The following TMEM108 variants were observed in gnomAD, a reference collection of about 807,000 sequenced individuals.
The protein encoded by TMEM108 is cancer/testis antigen 124.
TMEM108 carries 12 observed loss-of-function variants against 35.1 expected under a neutral mutation model. The observed-to-expected ratio is 0.34, with a 90% confidence interval of 0.22 to 0.55. The LOEUF is 0.55. Ranked by LOEUF, TMEM108 falls within the 20% of genes least tolerant of loss-of-function variation. TMEM108 has a pLI of 0.89. For missense variants in TMEM108, 680 were observed against 753.3 expected (o/e 0.90, Z 1.14); for synonymous variants, 287 against 308.6 (o/e 0.93, Z 0.73).
rs373948723 is a variant in TMEM108 at position 133,348,045 on chromosome 3, G to A, written c.41-31707G>A. Among the ~76,000 whole-genome samples, 89 of 151,902 alleles carry A rather than the reference G, an allele frequency of 5.9e-4. 1 individual carries two copies. The highest frequency in any genetic ancestry group is 2.4e-3 in the Admixed American group (36 of 15,264). The stretch of plus-strand genomic sequence containing the variant: ...AATTCTTAATTAACCTATGGAAAAT[G>A]AGTCCAAAGTTTATCTAAAAGTATA... On this transcript the variant is annotated intron_variant, in intron 3 of 5. Transcript: ENST00000321871.
intron 3 of TMEM108, among the ~76,000 whole-genome samples, chr3:133,340,300 T>A (rs1316227203): frequency 6.6e-6 from 1 of 151,736 alleles, no homozygotes; most frequent in Non-Finnish European, 1.5e-5. Context: ...GTGGCTATCG[T>A]GAGCAACTAT....
chr3:133,042,881 T>C (rs1943291655), intron 1 of TMEM108, among the ~76,000 whole-genome samples: 1 of 152,216 alleles, frequency 6.6e-6, no homozygotes, highest in Non-Finnish European at 1.5e-5. Flanking sequence ...CAGAATATGC[T>C]GTGTCTACAG....
chr3:133,245,562 T>G (rs552577762), intron 3 of TMEM108, among the ~76,000 whole-genome samples: 1 of 152,364 alleles, frequency 6.6e-6, no homozygotes, highest in African/African-American at 2.4e-5. Context: ...TACAATTTTT[T>G]TTGTTGTTCT....
intron 3 of TMEM108, among the ~76,000 whole-genome samples, chr3:133,266,544 G>A (rs190402426): frequency 1.0e-3 from 154 of 152,270 alleles, no homozygotes; most frequent in African/African-American, 3.7e-3. Context: ...GTTGTAAGTT[G>A]TTTTGCTTGA....
At chr3:133,094,240 C>CCCCCCACCCCCCA (rs773837996) in intron 2 of TMEM108, among the ~76,000 whole-genome samples, 5 of 110,962 alleles carry the variant, frequency 4.5e-5, no homozygotes, top group Admixed American at 9.4e-5. Flanking sequence ...CCCACCCCCC[C>CCCCCCACCCCCCA]CACACACACG....
At chr3:133,289,676 C>T (rs1029675522) in intron 3 of TMEM108, among the ~76,000 whole-genome samples, 3 of 152,110 alleles carry the variant, frequency 2.0e-5, no homozygotes, top group Admixed American at 6.6e-5. Context: ...TATACATATC[C>T]CATTAGGAAG....
intron 1 of TMEM108, chr3:133,041,755 A>G (rs1167449740): frequency 2.0e-5 from 3 of 152,234 alleles, no homozygotes; most frequent in South Asian, 2.1e-4. Context: ...CAACTTTCCA[A>G]CAACTTAATC....
At chr3:133,067,004 T>A (rs1483964687) in intron 2 of TMEM108, among the ~76,000 whole-genome samples, 7 of 152,232 alleles carry the variant, frequency 4.6e-5, no homozygotes, top group Non-Finnish European at 1.0e-4. Flanking sequence ...TCATTCATTT[T>A]CACTTGGGTA....
At chr3:133,209,661 G>A (rs577739517) in intron 2 of TMEM108, among the ~76,000 whole-genome samples, 6 of 152,258 alleles carry the variant, frequency 3.9e-5, no homozygotes, top group African/African-American at 1.4e-4. Flanking sequence ...CAGCGGGGAA[G>A]GAGGTTCCTT....
At chr3:133,233,469 T>C (rs1035351587) in intron 3 of TMEM108, among the ~76,000 whole-genome samples, 2 of 152,216 alleles carry the variant, frequency 1.3e-5, no homozygotes, top group African/African-American at 2.4e-5. Context: ...TTCCAAGTCT[T>C]TGCTGTTGTG....
intron 2 of TMEM108, among the ~76,000 whole-genome samples, chr3:133,100,250 G>T (rs999336857): frequency 7.2e-5 from 11 of 152,154 alleles, no homozygotes; most frequent in Non-Finnish European, 1.6e-4. Flanking sequence ...ATGATTCATG[G>T]GTTCCACCCA....
intron 3 of TMEM108, among the ~76,000 whole-genome samples, chr3:133,307,818 T>G (rs1379884831): frequency 1.3e-5 from 2 of 152,194 alleles, no homozygotes; most frequent in Non-Finnish European, 2.9e-5. Context: ...AGCTTTGTTC[T>G]TTTTGCTTAG....
chr3:133,118,164 C>T (rs1438600611), intron 2 of TMEM108, among the ~76,000 whole-genome samples: 1 of 152,050 alleles, frequency 6.6e-6, no homozygotes, highest in African/African-American at 2.4e-5. Context: ...GGTTCTCTGA[C>T]TTCTGGGGAC....
chr3:133,278,631 T>C (rs1946869688), intron 3 of TMEM108, among the ~76,000 whole-genome samples: 1 of 152,204 alleles, frequency 6.6e-6, no homozygotes, highest in Non-Finnish European at 1.5e-5. Context: ...TGGTAAATAT[T>C]TGTATGTCTA....
At chr3:133,148,487 G>A (rs1463960412) in intron 2 of TMEM108, among the ~76,000 whole-genome samples, 1 of 152,106 alleles carries the variant, frequency 6.6e-6, no homozygotes, top group African/African-American at 2.4e-5. Context: ...TCTTCCATGA[G>A]GATATGGACT....
chr3:133,094,674 T>C (rs556481231), intron 2 of TMEM108, among the ~76,000 whole-genome samples: 1 of 152,344 alleles, frequency 6.6e-6, no homozygotes, highest in East Asian at 1.9e-4. Flanking sequence ...TAGTTAGCAG[T>C]TTCTCAGCCA....
rs2073213898 is a variant in TMEM108, at chr3:133,390,206, A to G, written c.1477A>G (p.Lys493Glu). 6.2e-7 allele frequency: 1 copy of G among 1,614,028 alleles called. No individual in the cohort carries two copies. Reference sequence around the variant, plus strand: ...TGTCCTGCTGACGGTGTGCTGCATGAAGAGGAAGAAGAAGACCGCCAACCC... The same window carrying G: ...TGTCCTGCTGACGGTGTGCTGCATGGAGAGGAAGAAGAAGACCGCCAACCC... ...CSVLLTVCCM[K>E]RKKKTANPEN... Residue 493 changes from lysine (K) to glutamate (E), a missense_variant, in exon 5 of 6, where the codon AAG (lysine) becomes GAG (glutamate). By Grantham distance (56) the Lys-to-Glu change is moderately conservative (BLOSUM62 1). Coordinates refer to ENST00000321871, the MANE Select transcript of TMEM108 (RefSeq NM_023943.4).
intron 2 of TMEM108, among the ~76,000 whole-genome samples, chr3:133,196,754 G>GC (rs1361665047): frequency 6.6e-6 from 1 of 152,160 alleles, no homozygotes; most frequent in African/African-American, 2.4e-5. Flanking sequence ...ACATCCCAAG[G>GC]CTCCTTCAGT....
At chr3:133,167,243 T>C (rs1945053983) in intron 2 of TMEM108, among the ~76,000 whole-genome samples, 1 of 152,220 alleles carries the variant, frequency 6.6e-6, no homozygotes, top group Admixed American at 6.5e-5. Flanking sequence ...AGAGTGCTGA[T>C]TGGTGCATAT....
Sources: gnomAD v4.1 joint callset for allele counts (sites outside exome capture counted in the v4.1 genomes callset) on GRCh38, gnomAD v4.1.1 for gene constraint, MANE v1.5 for transcripts, NCBI Gene and HGNC (gene_info 2026-07-23, HGNC 2026-07-21) for gene names.